Variants in ARAP2 observed in about 807,000 individuals in gnomAD.
The protein encoded by ARAP2 is ArfGAP with RhoGAP domain, ankyrin repeat and PH domain 2, also known as arf-GAP with Rho-GAP domain, ANK repeat and PH domain-containing protein 2.
Under a neutral mutation model 194.5 loss-of-function variants are expected in ARAP2, and 148 were observed. The observed-to-expected ratio is 0.76, with a 90% confidence interval of 0.67 to 0.87. ARAP2 has a LOEUF of 0.87. Among genes scored for constraint, ARAP2 ranks in the 40% least tolerant of loss-of-function variants. The pLI is 0.00. For missense variants in ARAP2, 2,128 were observed against 1,989.7 expected (o/e 1.07, Z -1.32); for synonymous variants, 695 against 683.5 (o/e 1.02, Z -0.26).
chr4:36,134,980 A>C (rs6851083), intron 19 of ARAP2, among the ~76,000 whole-genome samples: 12,820 of 151,668 alleles, frequency 0.085, 548 homozygotes, highest in East Asian at 0.14. Context: ...CGAAACTCCA[A>C]CCTTTACACA....
rs566544863 is a variant in ARAP2, at chr4:36,236,349, T to C, written c.-159-6704A>G. Among the ~76,000 whole-genome samples, 21 of 152,214 alleles carry C rather than the reference T, an allele frequency of 1.4e-4. 1 individual carries two copies. In the South Asian group the frequency reaches 4.2e-3, roughly 30 times the overall value. On this transcript the variant is annotated intron_variant, in intron 1 of 32. Transcript: ENST00000303965. The stretch of plus-strand genomic sequence containing the variant: ...AAGGAAAGCAAACAACTGAAAACCA[T>C]GGGTTACTTCATTAAACCATGATGT...
At chr4:36,032,891 C>T (rs991122824) in intron 5 of ARAP2, among the ~76,000 whole-genome samples, 2 of 152,100 alleles carry the variant, frequency 1.3e-5, no homozygotes, top group African/African-American at 4.8e-5. Context: ...GAGGTCTTAA[C>T]ATTTAGCTCC....
intron 27 of ARAP2, among the ~76,000 whole-genome samples, chr4:36,099,154 T>C (rs1342498015): frequency 6.6e-6 from 1 of 152,012 alleles, no homozygotes; most frequent in African/African-American, 2.4e-5. Context: ...ACATGCGGTG[T>C]CTGGTTTTCT....
intron 26 of ARAP2, among the ~76,000 whole-genome samples, chr4:36,110,416 A>G (rs1020337727): frequency 2.0e-5 from 3 of 151,916 alleles, no homozygotes; most frequent in Non-Finnish European, 4.4e-5. Flanking sequence ...TACTGCATAA[A>G]AAGTAACTGA....
intron 5 of ARAP2, 32 bp from the exon 6 acceptor site, chr4:36,210,775 G>A: frequency 3.5e-6 from 5 of 1,429,312 alleles, no homozygotes; most frequent in Admixed American, 2.2e-5. Context: ...ACATTTCAAA[G>A]TGCTATATGT....
intron 3 of ARAP2, among the ~76,000 whole-genome samples, chr4:36,051,565 C>T (rs182865217): frequency 2.8e-4 from 43 of 152,036 alleles, no homozygotes; most frequent in African/African-American, 9.6e-4. Flanking sequence ...TGAAGTTCTC[C>T]AATTTTGTGG....
intron 19 of ARAP2, among the ~76,000 whole-genome samples, chr4:36,143,657 C>A (rs1728901377): frequency 6.6e-6 from 1 of 151,648 alleles, no homozygotes; most frequent in Admixed American, 6.6e-5. Context: ...AGCAAGTAAA[C>A]CAAAGACAGA....
chr4:36,220,024 C>T (rs981957887), intron 2 of ARAP2, among the ~76,000 whole-genome samples: 14 of 152,256 alleles, frequency 9.2e-5, no homozygotes, highest in African/African-American at 3.4e-4. Context: ...TGTCCAGATT[C>T]TCGATACTTC....
At chr4:36,161,883 C>T (rs545697597) in intron 11 of ARAP2, among the ~76,000 whole-genome samples, 123 of 150,628 alleles carry the variant, frequency 8.2e-4, no homozygotes, top group Non-Finnish European at 1.5e-3. Flanking sequence ...CCGAGGCGGG[C>T]GGATCACGAG....
Position 36,147,366 on chromosome 4 carries a change from G to C in ARAP2, c.3200-7C>G. On this transcript the variant is annotated splice_polypyrimidine_tract_variant and splice_region_variant and intron_variant, in intron 18 of 32. Coordinates refer to ENST00000303965, the MANE Select transcript of ARAP2 (RefSeq NM_015230.4). The stretch of plus-strand genomic sequence containing the variant: ...TGAACCATTGTGCTGATTGCTGAAG[G>C]GAGAATGAAAAGCAAAAATTTATTT... The C allele has an allele frequency of 6.2e-7, 1 of 1,612,350 alleles. No homozygotes were observed. The highest frequency in any genetic ancestry group is 8.5e-7 in the Non-Finnish European group (1 of 1,179,038).
chr4:36,064,591 T>C (rs1223821199), downstream of ARAP2, among the ~76,000 whole-genome samples: 1 of 152,218 alleles, frequency 6.6e-6, no homozygotes, highest in Non-Finnish European at 1.5e-5. Flanking sequence ...GGTGGGCTGC[T>C]CTGGCTGTGG....
intron 6 of ARAP2, among the ~76,000 whole-genome samples, chr4:36,199,264 C>A (rs147106347): frequency 1.3e-4 from 20 of 152,338 alleles, no homozygotes; most frequent in Admixed American, 1.2e-3. Context: ...CCATTAATTT[C>A]CATGTAATTT....
chr4:36,227,264 A>G (rs1452917115), intron 2 of ARAP2, among the ~76,000 whole-genome samples: 1 of 152,162 alleles, frequency 6.6e-6, no homozygotes, highest in Non-Finnish European at 1.5e-5. Flanking sequence ...TGGCCCTTAT[A>G]TTAGATAACT....
chr4:36,193,403 C>A (rs1578228304), intron 7 of ARAP2, among the ~76,000 whole-genome samples, 175 bp downstream of exon 7: 1 of 152,124 alleles, frequency 6.6e-6, no homozygotes, highest in African/African-American at 2.4e-5. Context: ...ATACTTAAGA[C>A]AAAAATCATC....
chr4:36,169,802 G>A (rs1163932507), intron 9 of ARAP2, among the ~76,000 whole-genome samples: 1 of 152,192 alleles, frequency 6.6e-6, no homozygotes, highest in East Asian at 1.9e-4. Flanking sequence ...AAAGTGCTGG[G>A]ATTGCAGGCG....
intron 5 of ARAP2, among the ~76,000 whole-genome samples, chr4:36,036,184 T>C (rs144042724): frequency 6.6e-6 from 1 of 152,206 alleles, no homozygotes; most frequent in Non-Finnish European, 1.5e-5. Flanking sequence ...CAAATACACA[T>C]GCAGACTCAC....
At chr4:36,178,084 G>A (rs970127021) in intron 8 of ARAP2, 79 bp from the exon 9 acceptor site, 1 of 1,294,208 alleles carries the variant, frequency 7.7e-7, no homozygotes, top group Non-Finnish European at 1.0e-6. Context: ...AGAAATCCAT[G>A]CCCTTTGCAA....
chr4:36,210,130 A>G (rs1560674949), intron 6 of ARAP2, among the ~76,000 whole-genome samples: 1 of 152,192 alleles, frequency 6.6e-6, no homozygotes, highest in Admixed American at 6.6e-5. Flanking sequence ...GGTAACATTA[A>G]GAAATTAGAT....
chr4:36,068,382 A>C, intron 32 of ARAP2, 104 bp from the exon 33 acceptor site: 56 of 1,255,774 alleles, frequency 4.5e-5, no homozygotes, highest in Non-Finnish European at 5.3e-5. Context: ...AAAAGATCTC[A>C]TTTCTATGAC....
Sources: gnomAD v4.1 joint callset for allele counts (sites outside exome capture counted in the v4.1 genomes callset) on GRCh38, gnomAD v4.1.1 for gene constraint, MANE v1.5 for transcripts, NCBI Gene and HGNC (gene_info 2026-07-23, HGNC 2026-07-21) for gene names.